The following NGEF variants were observed in gnomAD, a reference collection of about 807,000 sequenced individuals.
NGEF encodes the protein neuronal guanine nucleotide exchange factor.
NGEF carries 31 observed loss-of-function variants against 80.9 expected under a neutral mutation model. The ratio of observed to expected loss-of-function variants is 0.38; its 90% CI spans 0.29 to 0.52. The LOEUF (loss-of-function observed/expected upper bound fraction) is 0.52, where lower values mean the gene tolerates loss of function less well. Among genes scored for constraint, NGEF ranks in the 20% least tolerant of loss-of-function variants. The pLI, the probability that NGEF is intolerant of heterozygous loss-of-function variation, is 0.84. For synonymous variants in NGEF, 371 were observed against 370.2 expected, an observed-to-expected ratio of 1.00 and a Z score of -0.03; for missense variants, 709 against 926.2, an observed-to-expected ratio of 0.77 and a Z score of 3.04.
At chr2:233,000,402 C>T (rs1396675047) in intron 1 of NGEF, among the ~76,000 whole-genome samples, 1 of 152,062 alleles carries the variant, frequency 6.6e-6, no homozygotes, top group East Asian at 1.9e-4. Flanking sequence ...CAGCCTCTTC[C>T]TCTTTTTATG....
intron 5 of NGEF, among the ~76,000 whole-genome samples, chr2:232,899,918 A>G (rs1213587330): frequency 7.4e-6 from 1 of 135,330 alleles, no homozygotes; most frequent in Non-Finnish European, 1.6e-5. Flanking sequence ...ACAGTCACTC[A>G]TATACACGTT....
At chr2:232,974,122 CA>C (rs1238984893) in intron 2 of NGEF, among the ~76,000 whole-genome samples, 15 of 152,316 alleles carry the variant, frequency 9.8e-5, no homozygotes, top group African/African-American at 3.6e-4. Context: ...ATATTTTGAG[CA>C]GATAAAATGT....
chr2:232,962,668 C>T (rs1693978300), intron 3 of NGEF, among the ~76,000 whole-genome samples: 1 of 151,774 alleles, frequency 6.6e-6, no homozygotes, highest in Admixed American at 6.6e-5. Flanking sequence ...AAAACATTGG[C>T]ATTTAAAATA....
intron 9 of NGEF, 58 bp downstream of exon 9, chr2:232,887,975 G>A (rs1372583088): frequency 7.6e-7 from 1 of 1,323,710 alleles, no homozygotes; most frequent in Non-Finnish European, 1.1e-6. Context: ...CCGGAAAGGT[G>A]TGCCTGGATG....
At chr2:233,011,220 C>A (rs546203069) in intron 1 of NGEF, among the ~76,000 whole-genome samples, 1 of 151,842 alleles carries the variant, frequency 6.6e-6, no homozygotes, top group East Asian at 2.0e-4. Context: ...AGCCCCACTT[C>A]AAAGCCTCAC....
chr2:232,971,536 T>G (rs1694184387), intron 2 of NGEF, among the ~76,000 whole-genome samples: 1 of 152,022 alleles, frequency 6.6e-6, no homozygotes, highest in Non-Finnish European at 1.5e-5. Context: ...AATACAAAAA[T>G]TAGCCGGGCA....
intron 8 of NGEF, among the ~76,000 whole-genome samples, chr2:232,888,388 A>G (rs1406365955): frequency 6.6e-6 from 1 of 151,912 alleles, no homozygotes; most frequent in Non-Finnish European, 1.5e-5. Context: ...AGAAACATGC[A>G]TACAAGCACA....
intron 1 of NGEF, among the ~76,000 whole-genome samples, chr2:232,984,602 C>A (rs559014293): frequency 6.6e-6 from 1 of 152,008 alleles, no homozygotes; most frequent in Non-Finnish European, 1.5e-5. Flanking sequence ...CCAATGACAG[C>A]GTGATGGAGA....
At chr2:232,976,384 G>C (rs1694294120) in intron 1 of NGEF, among the ~76,000 whole-genome samples, 1 of 152,090 alleles carries the variant, frequency 6.6e-6, no homozygotes, top group Admixed American at 6.5e-5. Flanking sequence ...GTCCCTCTGA[G>C]TTCCCAAACA....
At chr2:232,975,590 G>A (rs1484129488) in intron 1 of NGEF, among the ~76,000 whole-genome samples, 1 of 152,156 alleles carries the variant, frequency 6.6e-6, no homozygotes, top group East Asian at 1.9e-4. Context: ...TGACCATATA[G>A]CATATCATCT....
At chr2:232,879,803 A>G in intron 14 of NGEF, 124 bp from the exon 15 acceptor site, 1 of 841,026 alleles carries the variant, frequency 1.2e-6, no homozygotes. Context: ...GCCTTTCCCA[A>G]AAGGCAGCGG....
intron 6 of NGEF, 63 bp downstream of exon 6, chr2:232,894,693 C>T (rs1280514655): frequency 2.7e-5 from 39 of 1,435,214 alleles, no homozygotes; most frequent in African/African-American, 4.2e-5. Flanking sequence ...ATCAGTGTCT[C>T]AAGCATGTGC....
At chr2:232,944,302 C>T (rs1222357536) in intron 3 of NGEF, among the ~76,000 whole-genome samples, 3 of 152,220 alleles carry the variant, frequency 2.0e-5, no homozygotes, top group East Asian at 1.9e-4. Context: ...CACCCAGTGA[C>T]GCCACATCTA....
At chr2:232,921,981 G>A (rs1260578743) in intron 4 of NGEF, among the ~76,000 whole-genome samples, 3 of 105,428 alleles carry the variant, frequency 2.8e-5, no homozygotes, top group East Asian at 2.4e-4. Context: ...ATGAGGGTCC[G>A]GCTGAGGGTG....
At chr2:233,004,868 C>CA (rs899772694) in intron 1 of NGEF, among the ~76,000 whole-genome samples, 2 of 151,962 alleles carry the variant, frequency 1.3e-5, no homozygotes, top group Admixed American at 1.3e-4. Context: ...ATAGAATGTA[C>CA]AAAATTTGGG....
chr2:233,000,772 A>AC (rs1559243708), intron 1 of NGEF, among the ~76,000 whole-genome samples: 1 of 149,314 alleles, frequency 6.7e-6, no homozygotes. Context: ...AAAAAAAAAA[A>AC]AACGAAAAAA....
chr2:232,970,784 C>T (rs1694169175), intron 2 of NGEF, among the ~76,000 whole-genome samples: 2 of 136,664 alleles, frequency 1.5e-5, no homozygotes, highest in Admixed American at 1.5e-4. Context: ...CACTGCACTC[C>T]AGCCTGGGTG....
Position 233,011,828 on chromosome 2 carries a change from T to C in NGEF, c.-75+1240A>G, listed in dbSNP as rs77562385. On this transcript the variant is annotated intron_variant, in intron 1 of 14. Transcript: ENST00000264051. ...GGGGCAGAAAGCTGTGGAATGTTAC[T>C]CACACTGTCATTGGATCAACCCCTG... Among the ~76,000 whole-genome samples, 2,113 of 152,288 alleles carry C rather than the reference T, an allele frequency of 0.014. 97 individuals are homozygous for C. The East Asian group carries it at 0.17, about 12-fold the overall frequency.
At chr2:232,888,484 CAT>C (rs562689354) in intron 8 of NGEF, among the ~76,000 whole-genome samples, 18 of 152,116 alleles carry the variant, frequency 1.2e-4, no homozygotes, top group African/African-American at 2.7e-4. Context: ...AGTGCACACA[CAT>C]GTACACACGT....
Sources: gnomAD v4.1 joint callset for allele counts (sites outside exome capture counted in the v4.1 genomes callset) on GRCh38, gnomAD v4.1.1 for gene constraint, MANE v1.5 for transcripts, NCBI Gene and HGNC (gene_info 2026-07-23, HGNC 2026-07-21) for gene names.